The following NEDD4L variants were observed in gnomAD, a reference collection of about 807,000 sequenced individuals.
NEDD4L encodes NEDD4 like E3 ubiquitin protein ligase, also known as E3 ubiquitin-protein ligase NEDD4-like.
Under a neutral mutation model 148.9 loss-of-function variants are expected in NEDD4L, and 54 were observed. The observed-to-expected ratio is 0.36, with a 90% CI of 0.29 to 0.45. NEDD4L has a LOEUF of 0.45. Ranked by LOEUF, NEDD4L falls within the 20% of genes least tolerant of loss-of-function variation. NEDD4L has a pLI of 1.00. For missense variants in NEDD4L, 856 were observed against 1,233.8 expected, an observed-to-expected ratio of 0.69 and a Z score of 4.59; for synonymous variants, 433 against 440.7, an observed-to-expected ratio of 0.98 and a Z score of 0.22.
chr18:58,082,098 A>ATTTTTTT lies in NEDD4L; in HGVS notation c.48+37391_48+37392insTTTTTTT, dbSNP rs1182927314. Among the ~76,000 whole-genome samples the ATTTTTTT allele has an allele frequency of 3.8e-3, 275 of 73,190 alleles. 3 individuals carry two copies. Among genetic ancestry groups the ATTTTTTT allele is most frequent in the African/African-American group, 0.024 (251 of 10,508 alleles). 48.0% of individuals were successfully genotyped at this position (73,190 alleles called of 152,430 possible). ...CTGATGAATATATATATATATATAT[A>ATTTTTTT]TATATTTTTTTTTTTTTTTTTTTCT... On this transcript the variant is annotated intron_variant, in intron 1 of 30. Transcript: ENST00000400345.
At chr18:58,260,753 GT>G (rs1278897565) in intron 5 of NEDD4L, among the ~76,000 whole-genome samples, 1 of 152,188 alleles carries the variant, frequency 6.6e-6, no homozygotes, top group African/African-American at 2.4e-5. Context: ...TGATGTGACA[GT>G]TTTTTTGAAA....
In NEDD4L at chr18:58,283,801, G is replaced by T. The variant is rs185299188; in HGVS notation, c.297+31747G>T. ...CTATCAGTACCTCTTTGAAAATAGG[G>T]TCTTATTTGAAAATAGGGTCTTTGC... On this transcript the variant is annotated intron_variant, in intron 5 of 30. Coordinates refer to ENST00000400345, the MANE Select transcript of NEDD4L (RefSeq NM_001144967.3). Among the ~76,000 whole-genome samples the T allele has an allele frequency of 3.8e-3, 575 of 152,330 alleles. 1 individual carries two copies. The highest frequency in any genetic ancestry group is 5.8e-3 in the Non-Finnish European group (396 of 68,034).
At chr18:58,243,786 G>A (rs1475203817) in intron 2 of NEDD4L, among the ~76,000 whole-genome samples, 1 of 152,082 alleles carries the variant, frequency 6.6e-6, no homozygotes, top group African/African-American at 2.4e-5. Flanking sequence ...AAGGTTTACA[G>A]CTTACAGAAA....
intron 1 of NEDD4L, among the ~76,000 whole-genome samples, chr18:58,081,080 A>C (rs551890926): frequency 6.6e-6 from 1 of 152,142 alleles, no homozygotes; most frequent in African/African-American, 2.4e-5. Context: ...TGAATAAAAA[A>C]CCTAGGGTTT....
chr18:58,260,720 A>G (rs2049256729), intron 5 of NEDD4L, among the ~76,000 whole-genome samples: 1 of 152,250 alleles, frequency 6.6e-6, no homozygotes, highest in South Asian at 2.1e-4. Flanking sequence ...ATGTTAAGCC[A>G]AAAAGCAGTT....
rs2059197539 is a variant in NEDD4L at position 58,325,157 on chromosome 18, C to T, written c.675C>T (p.Ser225=). ...GGACCACTCAGTGGCACAGACCAAG[C>T]CTGATGTGAGTACCGTGTGATGGTC... ...NNRTTQWHRP[S]LMDVSSESDN... The change falls in exon 9 of 31, where the codon AGC becomes AGT. Residue 225 remains serine (S), a synonymous_variant. Coordinates refer to ENST00000400345, the MANE Select transcript of NEDD4L (RefSeq NM_001144967.3). The T allele has an allele frequency of 6.2e-7, 1 of 1,613,846 alleles. No individual in the cohort carries two copies. Among genetic ancestry groups the T allele is most frequent in the Non-Finnish European group, 8.5e-7 (1 of 1,179,868 alleles).
chr18:58,109,040 C>T (rs769140266), intron 1 of NEDD4L, among the ~76,000 whole-genome samples: 13 of 152,320 alleles, frequency 8.5e-5, no homozygotes, highest in Admixed American at 5.2e-4. Context: ...AATTAAGGGA[C>T]TTCTTAAAAT....
At chr18:58,339,509 TC>T (rs1268355181) in intron 13 of NEDD4L, among the ~76,000 whole-genome samples, 12 of 152,104 alleles carry the variant, frequency 7.9e-5, no homozygotes, top group African/African-American at 2.9e-4. Flanking sequence ...TCCTGCTGAG[TC>T]TCCACACCTG....
At chr18:58,268,391 C>T (rs2050531980) in intron 5 of NEDD4L, among the ~76,000 whole-genome samples, 1 of 152,014 alleles carries the variant, frequency 6.6e-6, no homozygotes, top group Non-Finnish European at 1.5e-5. Context: ...CAAGGGAGGG[C>T]CTTAGAGAAA....
intron 1 of NEDD4L, among the ~76,000 whole-genome samples, chr18:58,158,734 T>G (rs1366409849): frequency 1.3e-5 from 2 of 152,120 alleles, no homozygotes; most frequent in Non-Finnish European, 2.9e-5. Context: ...GTCCGTTGAG[T>G]TAGGGCTGTT....
Position 58,322,313 on chromosome 18 carries a change from G to A in NEDD4L, c.349-112G>A, listed in dbSNP as rs529576631. On this transcript the variant is annotated intron_variant, in intron 6 of 30. Transcript: ENST00000400345. The stretch of plus-strand genomic sequence containing the variant: ...GGTACCAAGTGAAGAAACACATTCA[G>A]CGGTGCCACATTCTAAAATTCAAAA... 3 of 763,856 alleles carry A rather than the reference G, an allele frequency of 3.9e-6. No homozygotes were observed. In the East Asian group the frequency reaches 8.0e-5, roughly 20 times the overall value. The allele number at this position is 763,856 out of a possible 1,614,324, so 47.3% of individuals were successfully genotyped here.
chr18:58,345,342 G>A (rs1353911259), intron 16 of NEDD4L, among the ~76,000 whole-genome samples: 1 of 152,224 alleles, frequency 6.6e-6, no homozygotes, highest in Non-Finnish European at 1.5e-5. Context: ...AAGATGAAGA[G>A]CCGGAGGGAA....
At chr18:58,236,298 A>G (rs2046008096) in intron 2 of NEDD4L, among the ~76,000 whole-genome samples, 1 of 151,990 alleles carries the variant, frequency 6.6e-6, no homozygotes, top group African/African-American at 2.4e-5. Flanking sequence ...TCGAGGCTGC[A>G]GTAAGCCATG....
chr18:58,393,182 A>C (rs2050051466), intron 30 of NEDD4L, among the ~76,000 whole-genome samples: 1 of 152,168 alleles, frequency 6.6e-6, no homozygotes, highest in African/African-American at 2.4e-5. Flanking sequence ...CACATATCTT[A>C]CTATTGAACT....
intron 2 of NEDD4L, among the ~76,000 whole-genome samples, chr18:58,220,328 C>A (rs1381277629): frequency 6.6e-6 from 1 of 152,138 alleles, no homozygotes; most frequent in East Asian, 1.9e-4. Context: ...ATTGCTTAAA[C>A]CCCAGAGGCA....
Position 58,044,971 on chromosome 18 carries a change from C to T in NEDD4L, c.48+263C>T, listed in dbSNP as rs9957225. 400,174 of 438,354 alleles carry T rather than the reference C, an allele frequency of 0.91. 182,997 individuals are homozygous for T. Among genetic ancestry groups the T allele is most frequent in the East Asian group, 1 (28,283 of 28,288 alleles). The allele number at this position is 438,354 out of a possible 1,614,324, so 27.2% of individuals were successfully genotyped here. On this transcript the variant is annotated intron_variant, in intron 1 of 30. Coordinates refer to ENST00000400345, the MANE Select transcript of NEDD4L (RefSeq NM_001144967.3). Reference sequence around the variant, plus strand: ...GGTTCACTCCGCAGCTCCTCGCTTTCGGGAGGAGAGGGAGGGGGCATGCGT... The same window carrying T: ...GGTTCACTCCGCAGCTCCTCGCTTTTGGGAGGAGAGGGAGGGGGCATGCGT...
At chr18:58,099,754 G>A (rs906325086) in intron 1 of NEDD4L, among the ~76,000 whole-genome samples, 1 of 152,198 alleles carries the variant, frequency 6.6e-6, no homozygotes, top group Non-Finnish European at 1.5e-5. Flanking sequence ...AGGGGTGTAA[G>A]ACGGCCCTTT....
At chr18:58,312,646 A>T (rs2057830858) in intron 5 of NEDD4L, among the ~76,000 whole-genome samples, 1 of 151,982 alleles carries the variant, frequency 6.6e-6, no homozygotes. Context: ...CCCCTGTTAG[A>T]TCTCCTCTGC....
At chr18:58,289,350 C>CTGCA (rs1208231990) in intron 5 of NEDD4L, among the ~76,000 whole-genome samples, 1 of 152,144 alleles carries the variant, frequency 6.6e-6, no homozygotes, top group Non-Finnish European at 1.5e-5. Context: ...GCTGATACCC[C>CTGCA]TGCATGCTGC....
Sources: gnomAD v4.1 joint callset for allele counts (sites outside exome capture counted in the v4.1 genomes callset) on GRCh38, gnomAD v4.1.1 for gene constraint, MANE v1.5 for transcripts, NCBI Gene and HGNC (gene_info 2026-07-23, HGNC 2026-07-21) for gene names.